RRAS2: variants seen among roughly 807,000 people sequenced by gnomAD.
The protein encoded by RRAS2 is ras-related protein R-Ras2.
Under a neutral mutation model 27.6 loss-of-function variants are expected in RRAS2, and 7 were observed. The observed-to-expected ratio is 0.25, with a 90% confidence interval of 0.14 to 0.48. RRAS2 has a LOEUF of 0.48. Ranked by LOEUF, RRAS2 falls within the 20% of genes least tolerant of loss-of-function variation. The pLI is 0.99. For synonymous variants in RRAS2, 86 were observed against 90.9 expected (o/e 0.95, Z 0.31); for missense variants, 178 against 256.2 (o/e 0.69, Z 2.08).
intron 1 of RRAS2, among the ~76,000 whole-genome samples, chr11:14,303,241 C>T (rs1269014295): frequency 6.6e-6 from 1 of 152,152 alleles, no homozygotes; most frequent in African/African-American, 2.4e-5. Flanking sequence ...TATATAATTG[C>T]TACTTACAAT....
At chr11:14,350,218 A>T (rs1258110406) in intron 1 of RRAS2, among the ~76,000 whole-genome samples, 4 of 152,144 alleles carry the variant, frequency 2.6e-5, no homozygotes, top group Non-Finnish European at 5.9e-5. Context: ...GGTTTGTGCG[A>T]TTCCTCCAAA....
chr11:14,361,982 A>AGC (rs1323009996), upstream of RRAS2, among the ~76,000 whole-genome samples: 2 of 152,234 alleles, frequency 1.3e-5, no homozygotes, highest in Middle Eastern at 6.3e-3. Flanking sequence ...GAAAGAAGAC[A>AGC]GACACAAAAG....
chr11:14,289,042 A>G (rs1436402521), intron 4 of RRAS2, among the ~76,000 whole-genome samples: 1 of 152,168 alleles, frequency 6.6e-6, no homozygotes, highest in Non-Finnish European at 1.5e-5. Context: ...CATAGTACCT[A>G]CACCTACATT....
At chr11:14,306,994 C>T (rs1847845551) in intron 1 of RRAS2, among the ~76,000 whole-genome samples, 1 of 151,446 alleles carries the variant, frequency 6.6e-6, no homozygotes, top group African/African-American at 2.4e-5. Context: ...AGTTCAAGAC[C>T]AGCCTGGGAA....
At chr11:14,308,973 G>A (rs1847894370) in intron 1 of RRAS2, among the ~76,000 whole-genome samples, 1 of 152,166 alleles carries the variant, frequency 6.6e-6, no homozygotes, top group Non-Finnish European at 1.5e-5. Flanking sequence ...CTATTGTGAA[G>A]ATTAAATGAT....
intron 1 of RRAS2, 28 bp from the exon 2 acceptor site, chr11:14,295,883 A>G (rs1554946532): frequency 6.3e-7 from 1 of 1,599,280 alleles, no homozygotes; most frequent in South Asian, 1.1e-5. Context: ...ACTTTATTTT[A>G]AAATTCATGG....
chr11:14,283,691 G>A (rs1204846496), intron 4 of RRAS2, among the ~76,000 whole-genome samples: 3 of 151,924 alleles, frequency 2.0e-5, no homozygotes, highest in Non-Finnish European at 4.4e-5. Flanking sequence ...GAATTTATTG[G>A]CATAAAGTTG....
At chr11:14,313,099 T>C (rs1848013734) in intron 1 of RRAS2, among the ~76,000 whole-genome samples, 1 of 152,244 alleles carries the variant, frequency 6.6e-6, no homozygotes, top group Non-Finnish European at 1.5e-5. Flanking sequence ...TTTAAACTTT[T>C]ATGTGGAGAC....
At chr11:14,331,181 G>A (rs782407113) in intron 1 of RRAS2, among the ~76,000 whole-genome samples, 2 of 152,120 alleles carry the variant, frequency 1.3e-5, no homozygotes, top group Non-Finnish European at 2.9e-5. Context: ...TATATTCTTG[G>A]TCACAAGTTT....
rs538141802 is a variant in RRAS2 at position 14,317,568 on chromosome 11, G to A, written c.109-21713C>T. ...GCACTCCAGCCTGGGCAACAAAAGC[G>A]AAACTCCATCCCAAAATAAAATAAA... On this transcript the variant is annotated intron_variant, in intron 1 of 5. Transcript: ENST00000256196. Among the ~76,000 whole-genome samples the A allele has an allele frequency of 1.2e-4, 18 of 152,186 alleles. No individual in the cohort carries two copies. The East Asian group carries it at 2.7e-3, about 23-fold the overall frequency.
intron 1 of RRAS2, among the ~76,000 whole-genome samples, chr11:14,321,070 C>T (rs1554950224): frequency 6.6e-6 from 1 of 151,838 alleles, no homozygotes; most frequent in African/African-American, 2.4e-5. Context: ...ATCCCAGCTA[C>T]TTGGGAGGCT....
intron 4 of RRAS2, 87 bp downstream of exon 4, chr11:14,294,384 C>A (rs1250166703): frequency 1.2e-6 from 1 of 815,314 alleles, no homozygotes; most frequent in Non-Finnish European, 1.8e-6. Flanking sequence ...TTTTTTTTTA[C>A]TAGACTTTCA....
At position 14,358,628 on chromosome 11, in the gene RRAS2, C is replaced by T; in HGVS notation, c.108+135G>A. On this transcript the variant is annotated intron_variant, in intron 1 of 5. Coordinates refer to ENST00000256196, the MANE Select transcript of RRAS2 (RefSeq NM_012250.6). The surrounding 1 kb of genome is among the most constrained non-coding windows in gnomAD (Gnocchi z 5.1). ...GGGCAGGAGCGTAGTCGGCCCCGCGCCCTCCCGCCCCCTGGCCCCGGCCCG... is the reference window on the plus strand; with the variant it reads ...GGGCAGGAGCGTAGTCGGCCCCGCGTCCTCCCGCCCCCTGGCCCCGGCCCG... 1 of 974,618 alleles carries T rather than the reference C, an allele frequency of 1.0e-6. No individual in the cohort carries two copies. Among genetic ancestry groups the T allele is most frequent in the Non-Finnish European group, 1.2e-6 (1 of 819,872 alleles). The allele number at this position is 974,618 out of a possible 1,614,324, so 60.4% of individuals were successfully genotyped here. A position where few individuals can be genotyped will look rare whatever the true frequency, so the allele number is the denominator to read the frequency against.
At chr11:14,308,277 A>C in intron 1 of RRAS2, 1 of 452,614 alleles carries the variant, frequency 2.2e-6, no homozygotes, top group Non-Finnish European at 4.4e-6. Context: ...TCAAATTTGA[A>C]ATACATGAAT....
At chr11:14,299,449 C>T (rs1328634089) in intron 1 of RRAS2, among the ~76,000 whole-genome samples, 1 of 152,184 alleles carries the variant, frequency 6.6e-6, no homozygotes, top group African/African-American at 2.4e-5. Flanking sequence ...ATGAATTATA[C>T]CTCTAGAGAA....
intron 1 of RRAS2, among the ~76,000 whole-genome samples, chr11:14,298,862 A>G (rs1847626251): frequency 6.6e-6 from 1 of 152,240 alleles, no homozygotes; most frequent in African/African-American, 2.4e-5. Flanking sequence ...TGTGCAGGTA[A>G]CAAATACAGG....
chr11:14,352,487 TCAAA>T lies in RRAS2; in HGVS notation c.108+6272_108+6275del, dbSNP rs1348383531. The stretch of plus-strand genomic sequence containing the variant: ...CCAACTACAAGTTTAAGTTTCAATC[TCAAA>T]CAGACTCAGCAGCTCTGCCCAAAGT... On this transcript the variant is annotated intron_variant, in intron 1 of 5. Transcript: ENST00000256196. 1.4e-4 allele frequency among the ~76,000 whole-genome samples: 22 copies of T among 152,288 alleles called. No homozygotes were observed. In the South Asian group the frequency reaches 3.3e-3, roughly 23 times the overall value.
intron 4 of RRAS2, among the ~76,000 whole-genome samples, chr11:14,287,405 T>C (rs540430466): frequency 1.3e-5 from 2 of 152,312 alleles, no homozygotes; most frequent in South Asian, 4.1e-4. Context: ...CTCAATAAAC[T>C]ACTTACTTTG....
At chr11:14,328,565 A>G (rs1412229747) in intron 1 of RRAS2, among the ~76,000 whole-genome samples, 1 of 152,158 alleles carries the variant, frequency 6.6e-6, no homozygotes, top group Non-Finnish European at 1.5e-5. Context: ...AAAAGCTTAG[A>G]AACACTAGAA....
Sources: gnomAD v4.1 joint callset for allele counts (sites outside exome capture counted in the v4.1 genomes callset) on GRCh38, gnomAD v4.1.1 for gene constraint, Gnocchi (gnomAD v3.1) non-coding constraint, MANE v1.5 for transcripts, NCBI Gene and HGNC (gene_info 2026-07-23, HGNC 2026-07-21) for gene names.